Variants in PDE4D observed in about 807,000 individuals in gnomAD.
The protein encoded by PDE4D is phosphodiesterase 4D.
Under a neutral mutation model 87.4 loss-of-function variants are expected in PDE4D, and 24 were observed. That is an observed-to-expected ratio of 0.27 (90% CI 0.20 to 0.39). The LOEUF (loss-of-function observed/expected upper bound fraction) is 0.39, where lower values mean the gene tolerates loss of function less well. Among genes scored for constraint, PDE4D ranks in the 10% least tolerant of loss-of-function variants. The probability of loss-of-function intolerance (pLI) is 1.00; values close to 1 mark genes in which losing one functional copy is unlikely to be tolerated. For missense variants in PDE4D, 714 were observed against 1,041.0 expected (o/e 0.69, Z 4.32); for synonymous variants, 384 against 383.2 (o/e 1.00, Z -0.02).
At chr5:59,691,139 C>T (rs1246205159) in intron 1 of PDE4D, among the ~76,000 whole-genome samples, 5 of 152,182 alleles carry the variant, frequency 3.3e-5, no homozygotes, top group Non-Finnish European at 1.5e-5. Context: ...TAAACTAGTT[C>T]AACCATTGTG....
intron 6 of PDE4D, chr5:58,999,461 G>A (rs780258041): frequency 8.8e-7 from 1 of 1,142,320 alleles, no homozygotes; most frequent in Non-Finnish European, 1.3e-6. Flanking sequence ...TCAGAGTAAG[G>A]AGTTTTCAAA....
chr5:59,791,992 A>G (rs1287677268), intron 1 of PDE4D, among the ~76,000 whole-genome samples: 1 of 152,262 alleles, frequency 6.6e-6, no homozygotes, highest in Non-Finnish European at 1.5e-5. Context: ...TTCAAAGTCT[A>G]GTATAGGATA....
At chr5:59,412,482 A>G (rs1298247389) in intron 1 of PDE4D, among the ~76,000 whole-genome samples, 2 of 152,284 alleles carry the variant, frequency 1.3e-5, no homozygotes, top group African/African-American at 2.4e-5. Context: ...AACTGATTAT[A>G]GAGGGGAGCT....
chr5:60,358,642 A>G (rs1340439797), intron 1 of PDE4D, among the ~76,000 whole-genome samples: 1 of 152,200 alleles, frequency 6.6e-6, no homozygotes, highest in Non-Finnish European at 1.5e-5. Flanking sequence ...CCAGGGCCTG[A>G]GTCTTCCAGA....
intron 2 of PDE4D, among the ~76,000 whole-genome samples, chr5:60,072,967 A>G (rs1459946807): frequency 1.3e-5 from 2 of 151,762 alleles, no homozygotes; most frequent in Non-Finnish European, 2.9e-5. Context: ...CTTGCTTAGT[A>G]TTGCCTTGGC....
chr5:60,090,951 C>T (rs1037707745), intron 2 of PDE4D, among the ~76,000 whole-genome samples: 6 of 152,078 alleles, frequency 3.9e-5, no homozygotes, highest in Non-Finnish European at 5.9e-5. Flanking sequence ...CACAAAAACA[C>T]ATCTGGGAAT....
At chr5:59,320,079 C>T (rs981183487) in intron 1 of PDE4D, among the ~76,000 whole-genome samples, 2 of 151,974 alleles carry the variant, frequency 1.3e-5, no homozygotes, top group Non-Finnish European at 2.9e-5. Context: ...CCAGCCATAC[C>T]TTATTGAGTC....
chr5:59,552,763 G>A (rs1425668894), intron 1 of PDE4D, among the ~76,000 whole-genome samples: 2 of 152,096 alleles, frequency 1.3e-5, no homozygotes, highest in Non-Finnish European at 2.9e-5. Context: ...TTAACTATAT[G>A]TACATTTACA....
At chr5:59,384,356 T>C (rs1378666742) in intron 1 of PDE4D, among the ~76,000 whole-genome samples, 1 of 152,208 alleles carries the variant, frequency 6.6e-6, no homozygotes, top group Non-Finnish European at 1.5e-5. Context: ...TGACTAATTC[T>C]GGCCAATCAG....
At chr5:59,223,010 TG>T (rs976989505) in intron 1 of PDE4D, among the ~76,000 whole-genome samples, 15 of 152,244 alleles carry the variant, frequency 9.9e-5, no homozygotes, top group African/African-American at 3.6e-4. Context: ...TTTGAACACA[TG>T]GCTTTGGGAA....
chr5:60,338,742 C>A (rs1205840457), intron 1 of PDE4D, among the ~76,000 whole-genome samples: 1 of 151,896 alleles, frequency 6.6e-6, no homozygotes, highest in Non-Finnish European at 1.5e-5. Flanking sequence ...TTGAATATCC[C>A]TAAAGTGCTT....
intron 1 of PDE4D, among the ~76,000 whole-genome samples, chr5:59,731,600 A>G (rs985024840): frequency 2.0e-5 from 3 of 152,116 alleles, no homozygotes; most frequent in African/African-American, 7.2e-5. Flanking sequence ...TTTTGCAATA[A>G]AGACTTTTTA....
intron 1 of PDE4D, among the ~76,000 whole-genome samples, chr5:60,222,313 A>G (rs1003442602): frequency 2.0e-5 from 3 of 152,136 alleles, no homozygotes; most frequent in African/African-American, 7.2e-5. Flanking sequence ...CAGAGCCTCC[A>G]GCCCCAGTCA....
At chr5:59,812,625 A>T (rs917894277) in intron 1 of PDE4D, among the ~76,000 whole-genome samples, 1 of 151,956 alleles carries the variant, frequency 6.6e-6, no homozygotes, top group Admixed American at 6.6e-5. Flanking sequence ...GTGAGCCAAG[A>T]TCGTGTCACT....
chr5:60,416,284 G>C (rs1340906767), intron 1 of PDE4D, among the ~76,000 whole-genome samples: 3 of 152,192 alleles, frequency 2.0e-5, no homozygotes, highest in East Asian at 1.9e-4. Flanking sequence ...CCAGATAAGA[G>C]AATAAAAGCA....
intron 1 of PDE4D, among the ~76,000 whole-genome samples, chr5:59,228,623 T>C (rs1313966705): frequency 1.3e-5 from 2 of 152,290 alleles, no homozygotes; most frequent in African/African-American, 2.4e-5. Context: ...ATTTATTCTT[T>C]ATATTGCAGA....
rs1561836112 is a variant in PDE4D at position 59,899,074 on chromosome 5, A to T, written c.272+89414T>A. Among the ~76,000 whole-genome samples, 3 of 152,200 alleles carry T rather than the reference A, an allele frequency of 2.0e-5. 1 individual carries two copies. In the South Asian group the frequency reaches 6.2e-4, roughly 31 times the overall value. On this transcript the variant is annotated intron_variant, in intron 3 of 16. Transcript: ENST00000502484. The stretch of plus-strand genomic sequence containing the variant: ...GAATTAATTTTATTGCATTTATTGA[A>T]CAATTAACATTTGATATTCTGATTC...
chr5:59,188,415 G>T (rs1307101696), intron 3 of PDE4D, among the ~76,000 whole-genome samples: 1 of 152,086 alleles, frequency 6.6e-6, no homozygotes, highest in Non-Finnish European at 1.5e-5. Context: ...CATGGGGAAG[G>T]ATTCAATGTT....
intron 2 of PDE4D, chr5:60,021,302 A>G (rs1180617257): frequency 6.6e-6 from 1 of 152,216 alleles, no homozygotes; most frequent in Non-Finnish European, 1.5e-5. Flanking sequence ...AACTGGACAC[A>G]GCTTTATACC....
Sources: allele counts gnomAD v4.1 joint callset (sites outside exome capture counted in the v4.1 genomes callset), GRCh38; gene constraint gnomAD v4.1.1; transcripts MANE v1.5; gene names NCBI Gene and HGNC (gene_info 2026-07-23, HGNC 2026-07-21).